Variants in MTMR6 observed in about 807,000 individuals in gnomAD.
MTMR6 encodes the protein phosphatidylinositol-3,5-bisphosphate 3-phosphatase MTMR6.
Under a neutral mutation model 80.1 loss-of-function variants are expected in MTMR6, and 47 were observed. The observed-to-expected ratio is 0.59, with a 90% CI of 0.46 to 0.75. The LOEUF (loss-of-function observed/expected upper bound fraction) is 0.75, where lower values mean the gene tolerates loss of function less well. Among genes scored for constraint, MTMR6 ranks in the 30% least tolerant of loss-of-function variants. The pLI is 0.00. For synonymous variants in MTMR6, 254 were observed against 253.0 expected, an observed-to-expected ratio of 1.00 and a Z score of -0.04; for missense variants, 629 against 730.9, an observed-to-expected ratio of 0.86 and a Z score of 1.61.
Position 25,274,143 on chromosome 13 carries a change from C to G in MTMR6, c.69G>C (p.Lys23Asn). 1 of 1,612,896 alleles carries G rather than the reference C, an allele frequency of 6.2e-7. No homozygotes were observed. Among genetic ancestry groups the G allele is most frequent in the African/African-American group, 1.3e-5 (1 of 74,968 alleles). Residue 23 changes from lysine (K) to asparagine (N), a missense_variant, in exon 2 of 14, where the codon AAG becomes AAC. Coordinates refer to ENST00000381801, the MANE Select transcript of MTMR6 (RefSeq NM_004685.5). ...TAAGATACAGTGTTCCTGTTAATGA[C>G]TTGTTGCTGGTACTGAATCGGTCAA... Reference protein sequence around the residue: ...KLLDRFSTSNKSLTGTLYLTA... With the variant: ...KLLDRFSTSNNSLTGTLYLTA...
At position 25,281,241 on chromosome 13, in the gene MTMR6, G is replaced by T. The variant is rs1198713667; in HGVS notation, c.24+5983C>A. Among the ~76,000 whole-genome samples the T allele has an allele frequency of 5.3e-5, 8 of 152,238 alleles. No individual in the cohort carries two copies. In the East Asian group the frequency reaches 1.5e-3, roughly 29 times the overall value. On this transcript the variant is annotated intron_variant, in intron 1 of 13. Coordinates refer to ENST00000381801, the MANE Select transcript of MTMR6 (RefSeq NM_004685.5). Reference sequence around the variant, plus strand: ...AGACCCAGCTACTTGGGAGGTAAAGGCAGGAGGATCGTTTGAGCCCAGGAG... The same window carrying T: ...AGACCCAGCTACTTGGGAGGTAAAGTCAGGAGGATCGTTTGAGCCCAGGAG...
Position 25,248,506 on chromosome 13 carries a change from C to T in MTMR6, c.*726G>A, listed in dbSNP as rs993668182. 6.6e-6 allele frequency: 1 copy of T among 152,004 alleles called. No homozygotes were observed. Among genetic ancestry groups the T allele is most frequent in the African/African-American group, 2.4e-5 (1 of 41,386 alleles). 9.4% of individuals were successfully genotyped at this position (152,004 alleles called of 1,614,324 possible). ...ATAAATTATCAAATGTAGCACTAAA[C>T]AAATTATGATCAGAATAAACCTTCA... On this transcript the variant is annotated 3_prime_UTR_variant, in exon 14 of 14. Coordinates refer to ENST00000381801, the MANE Select transcript of MTMR6 (RefSeq NM_004685.5).
chr13:25,246,891 T>C lies in MTMR6; in HGVS notation c.*2341A>G, dbSNP rs1183791229. On this transcript the variant is annotated 3_prime_UTR_variant, in exon 14 of 14. Transcript: ENST00000381801. The stretch of plus-strand genomic sequence containing the variant: ...CAGCCAGTTATTTTCTTCCTCATAT[T>C]TACATCCAGATCTGCCTTTGGAGAG... The C allele has an allele frequency of 1.3e-5, 2 of 152,176 alleles. No individual in the cohort carries two copies. Among genetic ancestry groups the C allele is most frequent in the Non-Finnish European group, 2.9e-5 (2 of 68,024 alleles). The allele number at this position is 152,176 out of a possible 1,614,324, so 9.4% of individuals were successfully genotyped here.
chr13:25,260,330 G>A (rs544733603), intron 6 of MTMR6, among the ~76,000 whole-genome samples: 3 of 151,736 alleles, frequency 2.0e-5, no homozygotes, highest in East Asian at 3.9e-4. Flanking sequence ...CACCATGCCC[G>A]GCTAATTATG....
At chr13:25,249,644 A>G (rs1370944199) in intron 13 of MTMR6, 152 bp from the exon 14 acceptor site, 3 of 772,126 alleles carry the variant, frequency 3.9e-6, no homozygotes, top group East Asian at 2.7e-5. Context: ...TGCATATGAC[A>G]TGGTTGAAAA....
At position 25,251,865 on chromosome 13, in the gene MTMR6, G is replaced by C; in HGVS notation, c.1466C>G (p.Ser489Cys). 1 of 1,607,188 alleles carries C rather than the reference G, an allele frequency of 6.2e-7. No individual in the cohort carries two copies. Among genetic ancestry groups the C allele is most frequent in the Non-Finnish European group, 8.5e-7 (1 of 1,178,228 alleles). The change falls in exon 12 of 14, where the codon TCT becomes TGT. Residue 489 changes from serine (S) to cysteine (C), a missense_variant. Transcript: ENST00000381801. The surrounding 1 kb of genome is among the most constrained non-coding windows in gnomAD (Gnocchi z 4.1). ...RFTVLEPNTV[S>C]FNFKFWRNMY... Reference sequence around the variant, plus strand: ...GATGTCAACTTACTTAAAATTGAAAGATACTGTATTTGGCTCCAAAACTGT... The same window carrying C: ...GATGTCAACTTACTTAAAATTGAAACATACTGTATTTGGCTCCAAAACTGT...
intron 6 of MTMR6, among the ~76,000 whole-genome samples, chr13:25,261,138 T>C (rs1397714831): frequency 6.6e-6 from 1 of 151,134 alleles, no homozygotes; most frequent in African/African-American, 2.4e-5. Flanking sequence ...TGAAACCCCA[T>C]CTCTACTAAA....
chr13:25,271,491 T>C (rs1379337818), intron 2 of MTMR6, among the ~76,000 whole-genome samples: 2 of 152,230 alleles, frequency 1.3e-5, no homozygotes, highest in Non-Finnish European at 2.9e-5. Flanking sequence ...TAACAATGAA[T>C]GAATTGCCAC....
chr13:25,274,939 G>GAC (rs1555250640), intron 1 of MTMR6, among the ~76,000 whole-genome samples: 431 of 42,990 alleles, frequency 0.01, 8 homozygotes, highest in African/African-American at 0.023. Flanking sequence ...CTAGTAGACA[G>GAC]ACACACACAC....
At chr13:25,254,693 A>G (rs755900117) in intron 9 of MTMR6, among the ~76,000 whole-genome samples, 2 of 152,212 alleles carry the variant, frequency 1.3e-5, no homozygotes, top group Non-Finnish European at 2.9e-5. Context: ...TTTTAAGTGA[A>G]AAGTACATGT....
chr13:25,282,191 C>T (rs2060900673), intron 1 of MTMR6, among the ~76,000 whole-genome samples: 1 of 152,118 alleles, frequency 6.6e-6, no homozygotes. Flanking sequence ...GGATGGCTTA[C>T]TCCCTCACCA....
Position 25,274,955 on chromosome 13 carries a change from CACACAT to C in MTMR6, c.25-774_25-769del, listed in dbSNP as rs1407030547. Among the ~76,000 whole-genome samples, 299 of 126,816 alleles carry C rather than the reference CACACAT, an allele frequency of 2.4e-3. 1 individual carries two copies. The highest frequency in any genetic ancestry group is 9.4e-3 in the South Asian group (37 of 3,936). 83.2% of individuals were successfully genotyped at this position (126,816 alleles called of 152,430 possible). On this transcript the variant is annotated intron_variant, in intron 1 of 13. Transcript: ENST00000381801. ...TAGTAGACAGACACACACACACACA[CACACAT>C]ACACACACACACACACACACACACA...
At chr13:25,280,096 T>C (rs1957812576) in intron 1 of MTMR6, among the ~76,000 whole-genome samples, 1 of 152,044 alleles carries the variant, frequency 6.6e-6, no homozygotes, top group Admixed American at 6.6e-5. Context: ...ACAAAACTGA[T>C]AACGGAAGGA....
At chr13:25,262,930 C>T (rs546034540) in intron 5 of MTMR6, among the ~76,000 whole-genome samples, 1 of 152,324 alleles carries the variant, frequency 6.6e-6, no homozygotes, top group African/African-American at 2.4e-5. Flanking sequence ...ACACATATGG[C>T]TGTGTCAAGA....
chr13:25,251,583 C>T lies in MTMR6; in HGVS notation c.1605+66G>A. The T allele has an allele frequency of 7.5e-7, 1 of 1,329,660 alleles. No individual in the cohort carries two copies. Among genetic ancestry groups the T allele is most frequent in the Non-Finnish European group, 1.0e-6 (1 of 967,426 alleles). 82.4% of individuals were successfully genotyped at this position (1,329,660 alleles called of 1,614,324 possible). ...TATGTGCTGATTTACACCAACAATACAAATATTAGTCTAATCGTAAACTAA... is the reference window on the plus strand; with the variant it reads ...TATGTGCTGATTTACACCAACAATATAAATATTAGTCTAATCGTAAACTAA... On this transcript the variant is annotated intron_variant, in intron 13 of 13. Coordinates refer to ENST00000381801, the MANE Select transcript of MTMR6 (RefSeq NM_004685.5). This position sits in a 1 kb window ranked among gnomAD's most constrained non-coding sequence, Gnocchi z 4.1.
intron 1 of MTMR6, among the ~76,000 whole-genome samples, chr13:25,284,539 C>A (rs1025332386): frequency 1.3e-5 from 2 of 152,072 alleles, no homozygotes; most frequent in African/African-American, 4.8e-5. Context: ...GCTGACTGAA[C>A]AACAAAAATC....
rs1335971114 is a variant in MTMR6, at chr13:25,274,973, C to CACACACAT, written c.25-787_25-786insATGTGTGT. Reference sequence around the variant, plus strand: ...ACACACACACACATACACACACACACACACACACACACACACACACACACA... The same window carrying CACACACAT: ...ACACACACACACATACACACACACACACACACATACACACACACACACACACACACACA... On this transcript the variant is annotated intron_variant, in intron 1 of 13. Coordinates refer to ENST00000381801, the MANE Select transcript of MTMR6 (RefSeq NM_004685.5). 2.2e-5 allele frequency among the ~76,000 whole-genome samples: 3 copies of CACACACAT among 138,944 alleles called. No homozygotes were observed. In the East Asian group the frequency reaches 6.0e-4, roughly 28 times the overall value. 91.2% of individuals were successfully genotyped at this position (138,944 alleles called of 152,430 possible). A position where few individuals can be genotyped will look rare whatever the true frequency, so the allele number is the denominator to read the frequency against.
Position 25,267,945 on chromosome 13 carries a change from C to T in MTMR6, c.142-4G>A. 6.3e-7 allele frequency: 1 copy of T among 1,578,558 alleles called. No homozygotes were observed. Among genetic ancestry groups the T allele is most frequent in the Non-Finnish European group, 8.6e-7 (1 of 1,163,096 alleles). The stretch of plus-strand genomic sequence containing the variant: ...AGGCAATATGGTGGTGTAATATCTA[C>T]AGCATGAAAAAACATCCAGGTCATC... On this transcript the variant is annotated splice_polypyrimidine_tract_variant and splice_region_variant and intron_variant, in intron 2 of 13. Transcript: ENST00000381801.
chr13:25,254,782 C>G (rs1423961430), intron 9 of MTMR6, among the ~76,000 whole-genome samples: 1 of 151,552 alleles, frequency 6.6e-6, no homozygotes, highest in Admixed American at 6.6e-5. Context: ...AAATGTAAAC[C>G]AAAACTGCTA....
Sources: gnomAD v4.1 joint callset for allele counts (sites outside exome capture counted in the v4.1 genomes callset) on GRCh38, gnomAD v4.1.1 for gene constraint, Gnocchi (gnomAD v3.1) non-coding constraint, MANE v1.5 for transcripts, NCBI Gene and HGNC (gene_info 2026-07-23, HGNC 2026-07-21) for gene names.